SEC24B: variants seen among roughly 807,000 people sequenced by gnomAD.
SEC24B encodes SEC24 homolog B, COPII component.
Under a neutral mutation model 142.8 loss-of-function variants are expected in SEC24B, and 45 were observed. The observed-to-expected ratio is 0.32, with a 90% CI of 0.25 to 0.40. The LOEUF (loss-of-function observed/expected upper bound fraction) is 0.40. Ranked by LOEUF, SEC24B falls within the 10% of genes least tolerant of loss-of-function variation. The pLI is 1.00. For missense variants in SEC24B, 1,409 were observed against 1,526.8 expected (o/e 0.92, Z 1.29); for synonymous variants, 574 against 568.2 (o/e 1.01, Z -0.15).
chr4:109,449,619 T>C (rs1729853043), intron 1 of SEC24B: 5 of 424,902 alleles, frequency 1.2e-5, no homozygotes, highest in Admixed American at 2.6e-5. Context: ...ATCCACCTTG[T>C]CACTGTGTGC....
chr4:109,464,823 T>TA (rs1731689505), intron 2 of SEC24B, among the ~76,000 whole-genome samples: 1 of 152,214 alleles, frequency 6.6e-6, no homozygotes, highest in South Asian at 2.1e-4. Context: ...CTTTCATTGC[T>TA]ATGTCGTTTA....
intron 11 of SEC24B, among the ~76,000 whole-genome samples, chr4:109,518,436 T>C (rs1318843407): frequency 6.6e-6 from 1 of 152,194 alleles, no homozygotes; most frequent in Non-Finnish European, 1.5e-5. Context: ...TTGTTATATA[T>C]GAATACTTTG....
Position 109,463,017 on chromosome 4 carries a change from G to A in SEC24B, c.250G>A (p.Asp84Asn). The change falls in exon 2 of 24, where the codon GAT becomes AAT. Residue 84 changes from aspartate (D) to asparagine (N), a missense_variant. Physicochemically the swap from Asp to Asn is conservative, Grantham distance 23 (BLOSUM62 1). Coordinates refer to ENST00000265175, the MANE Select transcript of SEC24B (RefSeq NM_006323.5). ...TGGGAAAATGACCTCATTGCCATTGGATACCCAGTGTGGTGATTACTACTC... is the reference window on the plus strand; with the variant it reads ...TGGGAAAATGACCTCATTGCCATTGAATACCCAGTGTGGTGATTACTACTC... ...GPGKMTSLPL[D>N]TQCGDYYSAL... 6.2e-7 allele frequency: 1 copy of A among 1,614,080 alleles called. No homozygotes were observed. The highest frequency in any genetic ancestry group is 8.5e-7 in the Non-Finnish European group (1 of 1,180,002).
At position 109,539,723 on chromosome 4, in the gene SEC24B, A is replaced by G. The variant is rs755963272; in HGVS notation, c.*48A>G. 2.4e-6 allele frequency: 3 copies of G among 1,260,420 alleles called. No individual in the cohort carries two copies. Among genetic ancestry groups the G allele is most frequent in the Admixed American group, 3.6e-5 (2 of 54,932 alleles). 78.1% of individuals were successfully genotyped at this position (1,260,420 alleles called of 1,614,324 possible). A position where few individuals can be genotyped will look rare whatever the true frequency, so the allele number is the denominator to read the frequency against. The stretch of plus-strand genomic sequence containing the variant: ...AAAAGATCTATAACCTAGGTAAAGC[A>G]TAATCTGTCAGAGAAGCGCGTGAGA... On this transcript the variant is annotated 3_prime_UTR_variant, in exon 24 of 24. Transcript: ENST00000265175.
rs1731132311 is a variant in SEC24B at position 109,460,391 on chromosome 4, CTTTGA to C, written c.134-2504_134-2500del. Among the ~76,000 whole-genome samples the C allele has an allele frequency of 2.0e-5, 3 of 152,172 alleles. No homozygotes were observed. In the South Asian group the frequency reaches 6.2e-4, roughly 32 times the overall value. On this transcript the variant is annotated intron_variant, in intron 1 of 23. Transcript: ENST00000265175. ...CTTGTCAATTTTCTATTAAATTATC[CTTTGA>C]TTTGAGATATGGCACAGATACCTGT...
At position 109,525,405 on chromosome 4, in the gene SEC24B, C is replaced by G; in HGVS notation, c.2692C>G (p.His898Asp). The stretch of plus-strand genomic sequence containing the variant: ...TTATTATCCATCATTCCACTATACT[C>G]ACAATCCTTCACAAGCAGAAAAGTT... ...IYYYPSFHYT[H>D]NPSQAEKLQK... Residue 898 changes from histidine to aspartate, a missense_variant, in exon 16 of 24, where the codon CAC becomes GAC. Transcript: ENST00000265175. The G allele has an allele frequency of 1.2e-6, 2 of 1,611,830 alleles. No homozygotes were observed. The highest frequency in any genetic ancestry group is 1.7e-4 in the Middle Eastern group (1 of 6,036).
At chr4:109,449,584 G>A (rs1729847564) in intron 1 of SEC24B, 1 of 448,814 alleles carries the variant, frequency 2.2e-6, no homozygotes, top group Admixed American at 2.4e-5. Flanking sequence ...GTGTCAGCAT[G>A]GTCATATTCT....
chr4:109,448,564 A>G (rs929739793), intron 1 of SEC24B, among the ~76,000 whole-genome samples: 1 of 151,818 alleles, frequency 6.6e-6, no homozygotes, highest in Non-Finnish European at 1.5e-5. Context: ...CCTCCCAAGT[A>G]GCTGAGACTA....
At chr4:109,469,113 T>G (rs1732259882) in intron 2 of SEC24B, among the ~76,000 whole-genome samples, 1 of 152,126 alleles carries the variant, frequency 6.6e-6, no homozygotes, top group South Asian at 2.1e-4. Flanking sequence ...ACTGAGGAAC[T>G]GCCATAATTA....
intron 3 of SEC24B, among the ~76,000 whole-genome samples, chr4:109,480,090 T>G (rs1236940813): frequency 6.6e-6 from 1 of 152,196 alleles, no homozygotes; most frequent in Admixed American, 6.5e-5. Flanking sequence ...TTACCGATAT[T>G]AAAAGATGTT....
In SEC24B at chr4:109,539,614, C is replaced by A; in HGVS notation, c.3746C>A (p.Thr1249Lys). ...EFFQHLIEDR[T>K]EAAFSYYEFL... is the part of the protein sequence containing the mutation. Reference sequence around the variant, plus strand: ...TTTCAGCATTTGATTGAAGACCGGACAGAGGCTGCATTTTCTTACTATGAA... The same window carrying A: ...TTTCAGCATTTGATTGAAGACCGGAAAGAGGCTGCATTTTCTTACTATGAA... The change falls in exon 24 of 24, where the codon ACA becomes AAA. Residue 1249 changes from threonine to lysine, a missense_variant. This residue lies in a region of SEC24B where 700 missense variants were observed against 853.3 expected (regional missense o/e 0.82). Transcript: ENST00000265175. 1 of 1,613,942 alleles carries A rather than the reference C, an allele frequency of 6.2e-7. No individual in the cohort carries two copies. Among genetic ancestry groups the A allele is most frequent in the Non-Finnish European group, 8.5e-7 (1 of 1,179,926 alleles).
intron 1 of SEC24B, among the ~76,000 whole-genome samples, chr4:109,445,688 C>A (rs747267982): frequency 1.1e-4 from 17 of 152,116 alleles, no homozygotes; most frequent in Admixed American, 3.9e-4. Flanking sequence ...AGCACCTCAG[C>A]CTCCCAAGTT....
At chr4:109,493,047 G>A (rs1048139199) in intron 5 of SEC24B, among the ~76,000 whole-genome samples, 1 of 151,986 alleles carries the variant, frequency 6.6e-6, no homozygotes, top group African/African-American at 2.4e-5. Context: ...TTCTTATGCT[G>A]ATAACTTGTC....
intron 11 of SEC24B, among the ~76,000 whole-genome samples, chr4:109,518,445 T>C (rs1384272819): frequency 6.6e-6 from 1 of 152,338 alleles, no homozygotes; most frequent in East Asian, 1.9e-4. Context: ...ATGAATACTT[T>C]GTCCCAAGTA....
At chr4:109,522,841 T>C (rs1019912476) in intron 14 of SEC24B, among the ~76,000 whole-genome samples, 1 of 152,212 alleles carries the variant, frequency 6.6e-6, no homozygotes, top group African/African-American at 2.4e-5. Context: ...AAAGTAAATG[T>C]GAAAGTAATC....
intron 1 of SEC24B, among the ~76,000 whole-genome samples, chr4:109,448,188 T>G (rs1317876797): frequency 6.6e-6 from 1 of 152,232 alleles, no homozygotes; most frequent in Non-Finnish European, 1.5e-5. Context: ...TCTAACATAT[T>G]CACAAGTTTC....
chr4:109,497,522 G>A (rs919950220), intron 6 of SEC24B, among the ~76,000 whole-genome samples: 1 of 150,952 alleles, frequency 6.6e-6, no homozygotes, highest in African/African-American at 2.4e-5. Flanking sequence ...ATATTTAGAA[G>A]TAGACTATTA....
intron 6 of SEC24B, among the ~76,000 whole-genome samples, chr4:109,500,679 T>C (rs1162446887): frequency 6.6e-6 from 1 of 151,490 alleles, no homozygotes; most frequent in Admixed American, 6.6e-5. Flanking sequence ...TCCTCCGGAG[T>C]CTCCTTCTGT....
chr4:109,521,096 A>C, intron 12 of SEC24B, 21 bp from the exon 13 acceptor site: 3 of 1,430,406 alleles, frequency 2.1e-6, no homozygotes, highest in Non-Finnish European at 2.9e-6. Flanking sequence ...TTGTTGATTA[A>C]AATATGTGTT....
Sources: gnomAD v4.1 joint callset for allele counts (sites outside exome capture counted in the v4.1 genomes callset) on GRCh38, gnomAD v4.1.1 for gene constraint, gnomAD v4.1.1 regional missense constraint, MANE v1.5 for transcripts, NCBI Gene and HGNC (gene_info 2026-07-23, HGNC 2026-07-21) for gene names.